Variants in GHR observed in about 807,000 individuals in gnomAD.
GHR encodes growth hormone receptor, also known as GH receptor.
In GHR, 35 loss-of-function variants were observed where a neutral mutation model predicts 67.1. That is an observed-to-expected ratio of 0.52 (90% CI 0.40 to 0.69). The LOEUF (loss-of-function observed/expected upper bound fraction) is 0.69, where lower values mean the gene tolerates loss of function less well. GHR is among the 30% of genes least tolerant of loss of function. The probability of loss-of-function intolerance (pLI) is 0.00; values close to 1 mark genes in which losing one functional copy is unlikely to be tolerated. For missense variants in GHR, 792 were observed against 764.6 expected (o/e 1.04, Z -0.42); for synonymous variants, 272 against 269.1 (o/e 1.01, Z -0.10).
chr5:42,565,574 G>C (rs1013547040), intron 1 of GHR: 4 of 985,368 alleles, frequency 4.1e-6, no homozygotes, highest in Non-Finnish European at 4.8e-6. Context: ...CATGGGGGTC[G>C]TTTGCTGTGA....
rs144456300 is a variant in GHR at position 42,497,315 on chromosome 5, A to G, written c.-11-68549A>G. Among the ~76,000 whole-genome samples, 113 of 152,242 alleles carry G rather than the reference A, an allele frequency of 7.4e-4. 1 individual carries two copies. The highest frequency in any genetic ancestry group is 1.2e-3 in the Admixed American group (19 of 15,292). ...GGAACTTTTGAGTCTTAAGCGCTAC[A>G]TGATAGTACTCTTTCTAATGGTTTC... On this transcript the variant is annotated intron_variant, in intron 1 of 9. Coordinates refer to ENST00000230882, the MANE Select transcript of GHR (RefSeq NM_000163.5).
intron 1 of GHR, chr5:42,514,083 A>C (rs1256817608): frequency 1.0e-5 from 10 of 982,614 alleles, no homozygotes; most frequent in Non-Finnish European, 1.2e-5. Flanking sequence ...CTTCTAGTTA[A>C]AATGAGCAAC....
chr5:42,477,077 C>G (rs1554054913), intron 1 of GHR, among the ~76,000 whole-genome samples: 1 of 142,166 alleles, frequency 7.0e-6, no homozygotes, highest in Non-Finnish European at 1.5e-5. Context: ...GTTCCCCTTC[C>G]TGTGTCCATG....
At chr5:42,573,089 G>A (rs1214876269) in intron 2 of GHR, among the ~76,000 whole-genome samples, 1 of 152,148 alleles carries the variant, frequency 6.6e-6, no homozygotes, top group Non-Finnish European at 1.5e-5. Context: ...AATCCATGAA[G>A]GATATTTTGC....
chr5:42,704,776 G>T (rs1320089283), intron 6 of GHR, among the ~76,000 whole-genome samples: 1 of 151,836 alleles, frequency 6.6e-6, no homozygotes, highest in Admixed American at 6.6e-5. Context: ...GTTGTGTGTA[G>T]GAATTTATTC....
chr5:42,460,778 G>T (rs1355127356), intron 1 of GHR, among the ~76,000 whole-genome samples: 1 of 152,064 alleles, frequency 6.6e-6, no homozygotes, highest in Non-Finnish European at 1.5e-5. Flanking sequence ...AATAATGAAG[G>T]CTATATTAAT....
intron 3 of GHR, among the ~76,000 whole-genome samples, chr5:42,641,648 C>T (rs866237384): frequency 6.6e-6 from 1 of 152,162 alleles, no homozygotes; most frequent in Non-Finnish European, 1.5e-5. Flanking sequence ...CTACATTCTA[C>T]CCCACCTACT....
At chr5:42,633,074 C>A (rs1754006654) in intron 3 of GHR, among the ~76,000 whole-genome samples, 1 of 152,130 alleles carries the variant, frequency 6.6e-6, no homozygotes, top group African/African-American at 2.4e-5. Context: ...ACATGTAAGA[C>A]TTTCTTAAAC....
chr5:42,696,382 G>A (rs1295834770), intron 5 of GHR, among the ~76,000 whole-genome samples: 1 of 152,224 alleles, frequency 6.6e-6, no homozygotes, highest in Non-Finnish European at 1.5e-5. Flanking sequence ...TGACAGGCCT[G>A]AGGGATGAGG....
intron 3 of GHR, among the ~76,000 whole-genome samples, chr5:42,654,379 G>A (rs78723823): frequency 0.016 from 2,501 of 152,160 alleles, 23 homozygotes; most frequent in Middle Eastern, 0.051. Flanking sequence ...TGCATGTCCC[G>A]AAAGACCCAA....
In GHR at chr5:42,482,863, G is replaced by T. The variant is rs192006517; in HGVS notation, c.-12+58908G>T. ...GCGATGCCTCGCCCTGCTTTGGCTC[G>T]CACTCGGTGTGCTGCACCCACTGTC... On this transcript the variant is annotated intron_variant, in intron 1 of 9. Coordinates refer to ENST00000230882, the MANE Select transcript of GHR (RefSeq NM_000163.5). 4.6e-5 allele frequency among the ~76,000 whole-genome samples: 7 copies of T among 152,246 alleles called. No individual in the cohort carries two copies. In the East Asian group the frequency reaches 1.4e-3, roughly 29 times the overall value.
intron 1 of GHR, among the ~76,000 whole-genome samples, chr5:42,541,273 CT>C (rs1478870520): frequency 2.6e-5 from 4 of 152,054 alleles, no homozygotes; most frequent in Admixed American, 6.6e-5. Flanking sequence ...TATTATTTAT[CT>C]AGGTTGTCAG....
chr5:42,425,152 G>C (rs1579673252), intron 1 of GHR: 1 of 358,864 alleles, frequency 2.8e-6, no homozygotes, highest in Non-Finnish European at 3.9e-6. Context: ...CTGGAAGTGA[G>C]GTTTTGGGGA....
Position 42,468,406 on chromosome 5 carries a change from GCTT to G in GHR, c.-12+44458_-12+44460del, listed in dbSNP as rs1375672752. ...CCCATCTAAGCTTTATGTTTCAAAA[GCTT>G]CTTCTTGAGTTTCCTCCCAGGGCCA... On this transcript the variant is annotated intron_variant, in intron 1 of 9. Transcript: ENST00000230882. The G allele has an allele frequency of 1.5e-5, 17 of 1,168,292 alleles. No individual in the cohort carries two copies. In the East Asian group the frequency reaches 2.2e-4, roughly 15 times the overall value. 72.4% of individuals were successfully genotyped at this position (1,168,292 alleles called of 1,614,324 possible). A position where few individuals can be genotyped will look rare whatever the true frequency, so the allele number is the denominator to read the frequency against.
chr5:42,671,584 A>C lies in GHR; in HGVS notation c.137-17306A>C, dbSNP rs12653934. On this transcript the variant is annotated intron_variant, in intron 3 of 9. Transcript: ENST00000230882. Reference sequence around the variant, plus strand: ...ATAAACAGAATTATAAACAAAAACCACATGATTTCAATAGGTGTGGGAAAA... The same window carrying C: ...ATAAACAGAATTATAAACAAAAACCCCATGATTTCAATAGGTGTGGGAAAA... Among the ~76,000 whole-genome samples, 154 of 151,078 alleles carry C rather than the reference A, an allele frequency of 1.0e-3. 1 individual carries two copies. Among genetic ancestry groups the C allele is most frequent in the African/African-American group, 3.7e-3 (152 of 41,134 alleles).
At chr5:42,645,441 A>G (rs1267844819) in intron 3 of GHR, among the ~76,000 whole-genome samples, 1 of 152,264 alleles carries the variant, frequency 6.6e-6, no homozygotes, top group Non-Finnish European at 1.5e-5. Context: ...TGAACAAACA[A>G]AAACAAAAAA....
intron 2 of GHR, among the ~76,000 whole-genome samples, chr5:42,579,151 T>TGATAGATATAGATGATAG (rs1554021883): frequency 2.3e-5 from 2 of 88,248 alleles, no homozygotes; most frequent in African/African-American, 4.6e-5. Flanking sequence ...GATAGATAGA[T>TGATAGATATAGATGATAG]ATAGATAGAT....
intron 2 of GHR, among the ~76,000 whole-genome samples, chr5:42,601,340 T>G (rs893739363): frequency 1.3e-5 from 2 of 152,194 alleles, no homozygotes; most frequent in African/African-American, 4.8e-5. Context: ...ACACAATGAA[T>G]AATCAGATGT....
chr5:42,674,619 T>C (rs1244539437), intron 3 of GHR, among the ~76,000 whole-genome samples: 3 of 152,208 alleles, frequency 2.0e-5, no homozygotes, highest in Admixed American at 1.3e-4. Context: ...TGGCCTTTTA[T>C]GTCTGACTTC....
Sources: allele counts gnomAD v4.1 joint callset (sites outside exome capture counted in the v4.1 genomes callset), GRCh38; gene constraint gnomAD v4.1.1; transcripts MANE v1.5; gene names NCBI Gene and HGNC (gene_info 2026-07-23, HGNC 2026-07-21).